The following PAWR variants were observed in gnomAD, a reference collection of about 807,000 sequenced individuals.
The protein encoded by PAWR is PRKC apoptosis WT1 regulator protein.
A neutral mutation model predicts 32.0 loss-of-function variants in PAWR; 23 were observed. That is an observed-to-expected ratio of 0.72 (90% CI 0.52 to 1.02). The LOEUF (loss-of-function observed/expected upper bound fraction) is 1.02, where lower values mean the gene tolerates loss of function less well. PAWR is among the 50% of genes least tolerant of loss of function. PAWR has a pLI of 0.00. For synonymous variants in PAWR, 226 were observed against 187.1 expected (o/e 1.21, Z -1.70); for missense variants, 457 against 437.7 (o/e 1.04, Z -0.39).
intron 2 of PAWR, among the ~76,000 whole-genome samples, chr12:79,648,013 C>A (rs974164148): frequency 1.3e-5 from 2 of 152,164 alleles, no homozygotes; most frequent in Admixed American, 6.5e-5. Flanking sequence ...GGTTCACACT[C>A]CTTTGAGAAT....
chr12:79,647,283 CT>C lies in PAWR; in HGVS notation c.517-26077del, dbSNP rs563023772. Among the ~76,000 whole-genome samples, 12 of 151,606 alleles carry C rather than the reference CT, an allele frequency of 7.9e-5. No homozygotes were observed. In the East Asian group the frequency reaches 2.3e-3, roughly 29 times the overall value. On this transcript the variant is annotated intron_variant, in intron 2 of 6. Transcript: ENST00000328827. ...TACTAAATTTGGTGGTAAAGTTAAA[CT>C]TTAAAGTTAAACTATAATTCCTTTA... is the stretch of plus-strand genomic sequence containing the variant.
Position 79,621,226 on chromosome 12 carries a change from T to C in PAWR, c.517-19A>G, listed in dbSNP as rs1371605090. ...CTAAGCACTGAAAGAAAAAAAGAGT[T>C]TCCATTTTATTTCTACTATTAATAG... On this transcript the variant is annotated intron_variant, in intron 2 of 6. Transcript: ENST00000328827. The C allele has an allele frequency of 1.3e-6, 2 of 1,570,182 alleles. No individual in the cohort carries two copies. The highest frequency in any genetic ancestry group is 8.6e-7 in the Non-Finnish European group (1 of 1,158,420).
In PAWR at chr12:79,632,326, T is replaced by TATATATATATAC. The variant is rs1566010925; in HGVS notation, c.517-11120_517-11119insGTATATATATAT. 8.4e-4 allele frequency among the ~76,000 whole-genome samples: 28 copies of TATATATATATAC among 33,318 alleles called. 1 individual carries two copies. Among genetic ancestry groups the TATATATATATAC allele is most frequent in the Admixed American group, 1.3e-3 (3 of 2,398 alleles). 21.9% of individuals were successfully genotyped at this position (33,318 alleles called of 152,430 possible). On this transcript the variant is annotated intron_variant, in intron 2 of 6. Transcript: ENST00000328827. ...ATATATACATACATATATATATATA[T>TATATATATATAC]ATATATATATATATATATATATATA...
chr12:79,661,193 G>A (rs1351206482), intron 2 of PAWR, among the ~76,000 whole-genome samples: 1 of 146,108 alleles, frequency 6.8e-6, no homozygotes, highest in African/African-American at 2.6e-5. Flanking sequence ...AGGTTGCAGT[G>A]AGCTACGATA....
intron 5 of PAWR, 62 bp from the exon 6 acceptor site, chr12:79,594,495 G>A (rs2136672679): frequency 1.3e-6 from 1 of 777,978 alleles, no homozygotes; most frequent in Non-Finnish European, 2.1e-6. Context: ...ATCTTCCTAA[G>A]TGGCATATAT....
At chr12:79,664,660 G>GGGC (rs1555177484) in intron 2 of PAWR, among the ~76,000 whole-genome samples, 2 of 149,124 alleles carry the variant, frequency 1.3e-5, no homozygotes, top group African/African-American at 5.1e-5. Flanking sequence ...CTCTTTGGCG[G>GGGC]GGGGGGGAGG....
chr12:79,631,289 C>T (rs1311593381), intron 2 of PAWR, among the ~76,000 whole-genome samples: 1 of 152,102 alleles, frequency 6.6e-6, no homozygotes, highest in African/African-American at 2.4e-5. Flanking sequence ...CACTTCTATT[C>T]AGTATCTATC....
chr12:79,595,664 T>C (rs1050962120), intron 5 of PAWR, among the ~76,000 whole-genome samples: 2 of 152,058 alleles, frequency 1.3e-5, no homozygotes, highest in Admixed American at 1.3e-4. Flanking sequence ...CTGACCAACA[T>C]GGTGAAACCC....
chr12:79,676,236 T>A lies in PAWR; in HGVS notation c.516+13493A>T, dbSNP rs138479887. ...GAATAGTACCAGGCTCAAAAAGCAC[T>A]TAAGTGTAATCTCACATTAATATGG... is the stretch of plus-strand genomic sequence containing the variant. On this transcript the variant is annotated intron_variant, in intron 2 of 6. Transcript: ENST00000328827. Among the ~76,000 whole-genome samples the A allele has an allele frequency of 4.1e-3, 623 of 152,274 alleles. 12 individuals carry two copies. Among genetic ancestry groups the A allele is most frequent in the African/African-American group, 0.014 (591 of 41,558 alleles).
chr12:79,678,144 T>C (rs1878260725), intron 2 of PAWR, among the ~76,000 whole-genome samples: 1 of 152,230 alleles, frequency 6.6e-6, no homozygotes, highest in South Asian at 2.1e-4. Flanking sequence ...CAGTATTTTG[T>C]GTTGTTTACT....
At position 79,627,618 on chromosome 12, in the gene PAWR, G is replaced by T. The variant is rs561677392; in HGVS notation, c.517-6411C>A. Among the ~76,000 whole-genome samples the T allele has an allele frequency of 2.5e-3, 382 of 152,118 alleles. 1 individual carries two copies. The highest frequency in any genetic ancestry group is 3.7e-3 in the Non-Finnish European group (254 of 67,986). On this transcript the variant is annotated intron_variant, in intron 2 of 6. Coordinates refer to ENST00000328827, the MANE Select transcript of PAWR (RefSeq NM_002583.4). ...AATTAGATCCCATTTGTCAATTTTG[G>T]CTTTTGTTGCCATTGCTTTTGGTGT...
intron 2 of PAWR, among the ~76,000 whole-genome samples, chr12:79,658,132 G>C (rs980495070): frequency 2.0e-5 from 3 of 152,078 alleles, no homozygotes; most frequent in African/African-American, 7.2e-5. Context: ...GAAATCTAGA[G>C]GAATTTTTAT....
Position 79,643,277 on chromosome 12 carries a change from T to C in PAWR, c.517-22070A>G, listed in dbSNP as rs1876416974. Among the ~76,000 whole-genome samples the C allele has an allele frequency of 2.0e-5, 3 of 152,156 alleles. No homozygotes were observed. The South Asian group carries it at 6.2e-4, about 31-fold the overall frequency. The stretch of plus-strand genomic sequence containing the variant: ...CCAATTTATATAGTACCCTTAACTT[T>C]TATTTGCTTTAGTCTGGCACCCTGC... On this transcript the variant is annotated intron_variant, in intron 2 of 6. Coordinates refer to ENST00000328827, the MANE Select transcript of PAWR (RefSeq NM_002583.4).
At chr12:79,605,354 G>C (rs1874130854) in intron 4 of PAWR, among the ~76,000 whole-genome samples, 1 of 151,994 alleles carries the variant, frequency 6.6e-6, no homozygotes, top group Non-Finnish European at 1.5e-5. Flanking sequence ...GACAAGTCCA[G>C]AAAACACTCT....
At chr12:79,675,662 G>A (rs943081301) in intron 2 of PAWR, among the ~76,000 whole-genome samples, 2 of 152,088 alleles carry the variant, frequency 1.3e-5, no homozygotes, top group Admixed American at 1.3e-4. Flanking sequence ...CATGTTTTCA[G>A]TTATAAGACG....
chr12:79,663,499 T>C (rs1877446754), intron 2 of PAWR, among the ~76,000 whole-genome samples: 1 of 152,196 alleles, frequency 6.6e-6, no homozygotes, highest in Non-Finnish European at 1.5e-5. Flanking sequence ...AACTTATTTG[T>C]TTTTATTTTA....
chr12:79,630,598 T>C (rs1463588479), intron 2 of PAWR, among the ~76,000 whole-genome samples: 1 of 152,178 alleles, frequency 6.6e-6, no homozygotes, highest in East Asian at 1.9e-4. Flanking sequence ...CCACCATGTG[T>C]GGCTTATGCC....
At chr12:79,687,266 T>G (rs1878725963) in intron 2 of PAWR, among the ~76,000 whole-genome samples, 1 of 152,186 alleles carries the variant, frequency 6.6e-6, no homozygotes, top group African/African-American at 2.4e-5. Context: ...TATAACTATC[T>G]TCTAGTCAAT....
chr12:79,676,449 A>G lies in PAWR; in HGVS notation c.516+13280T>C, dbSNP rs559720803. Among the ~76,000 whole-genome samples the G allele has an allele frequency of 2.6e-5, 4 of 152,306 alleles. No individual in the cohort carries two copies. The South Asian group carries it at 8.3e-4, about 32-fold the overall frequency. On this transcript the variant is annotated intron_variant, in intron 2 of 6. Transcript: ENST00000328827. ...TAACAGTCAATTAAATAGTCATAAA[A>G]CTGAAAACATTAATAAACTGTATTC...
Sources: allele counts gnomAD v4.1 joint callset (sites outside exome capture counted in the v4.1 genomes callset), GRCh38; gene constraint gnomAD v4.1.1; transcripts MANE v1.5; gene names NCBI Gene and HGNC (gene_info 2026-07-23, HGNC 2026-07-21).